The following KCNN2 variants were observed in gnomAD, a reference collection of about 807,000 sequenced individuals.
KCNN2 encodes potassium calcium-activated channel subfamily N member 2.
KCNN2 carries 24 observed loss-of-function variants against 55.5 expected under a neutral mutation model. The observed-to-expected ratio is 0.43, with a 90% confidence interval of 0.31 to 0.61. The LOEUF (loss-of-function observed/expected upper bound fraction) is 0.61. Ranked by LOEUF, KCNN2 falls within the 20% of genes least tolerant of loss-of-function variation. KCNN2 has a pLI of 0.08. For synonymous variants in KCNN2, 431 were observed against 336.1 expected (o/e 1.28, Z -3.09); for missense variants, 754 against 853.6 (o/e 0.88, Z 1.45).
At chr5:114,252,511 A>G (rs1303339513) in intron 2 of KCNN2, among the ~76,000 whole-genome samples, 3 of 152,150 alleles carry the variant, frequency 2.0e-5, no homozygotes, top group Non-Finnish European at 4.4e-5. Flanking sequence ...CTCAACAGTA[A>G]ATGTTATTAT....
intron 3 of KCNN2, among the ~76,000 whole-genome samples, chr5:114,436,603 T>A (rs1325023982): frequency 6.6e-6 from 1 of 152,216 alleles, no homozygotes; most frequent in Non-Finnish European, 1.5e-5. Context: ...GGTTTTTTCC[T>A]CACGATACTT....
At chr5:114,379,131 C>G (rs1758026026) in intron 2 of KCNN2, among the ~76,000 whole-genome samples, 1 of 151,984 alleles carries the variant, frequency 6.6e-6, no homozygotes, top group Admixed American at 6.6e-5. Flanking sequence ...TAGTGCTTGT[C>G]ATTCCTCTTA....
chr5:114,454,053 T>TA (rs1195489879), intron 3 of KCNN2, among the ~76,000 whole-genome samples: 2 of 152,180 alleles, frequency 1.3e-5, no homozygotes, highest in Non-Finnish European at 2.9e-5. Flanking sequence ...AACTCCCACT[T>TA]ACGAGTGAGA....
At chr5:114,408,430 C>T (rs558514915) in intron 3 of KCNN2, among the ~76,000 whole-genome samples, 3 of 152,032 alleles carry the variant, frequency 2.0e-5, no homozygotes, top group Non-Finnish European at 2.9e-5. Flanking sequence ...AACTTCTCTG[C>T]GTAAATATGC....
At chr5:114,070,501 G>C (rs534525160) in intron 1 of KCNN2, among the ~76,000 whole-genome samples, 3 of 152,308 alleles carry the variant, frequency 2.0e-5, no homozygotes, top group South Asian at 4.1e-4. Context: ...TTCCCGGGCT[G>C]TCTCTTCCAG....
At chr5:114,328,260 T>C (rs1482628547) in intron 2 of KCNN2, among the ~76,000 whole-genome samples, 1 of 152,142 alleles carries the variant, frequency 6.6e-6, no homozygotes, top group African/African-American at 2.4e-5. Context: ...TTCTTAGGAC[T>C]CTACCCTAGG....
At chr5:114,197,442 A>G (rs1461615925) in intron 1 of KCNN2, among the ~76,000 whole-genome samples, 1 of 152,090 alleles carries the variant, frequency 6.6e-6, no homozygotes, top group South Asian at 2.1e-4. Flanking sequence ...TCCAATGATC[A>G]TTGTTGAATT....
chr5:114,352,080 A>G (rs557014341), intron 2 of KCNN2, among the ~76,000 whole-genome samples: 121 of 151,930 alleles, frequency 8.0e-4, no homozygotes, highest in South Asian at 3.3e-3. Context: ...ATAGAAAGTT[A>G]AAAAATTTCT....
intron 2 of KCNN2, among the ~76,000 whole-genome samples, chr5:114,339,980 A>G (rs1252866796): frequency 1.3e-5 from 2 of 152,188 alleles, no homozygotes; most frequent in Non-Finnish European, 2.9e-5. Flanking sequence ...ATCCTGCCAC[A>G]TATAGCAGAA....
intron 1 of KCNN2, among the ~76,000 whole-genome samples, chr5:114,067,729 C>A (rs1750480355): frequency 6.6e-6 from 1 of 152,206 alleles, no homozygotes; most frequent in Non-Finnish European, 1.5e-5. Flanking sequence ...TCATACCCCA[C>A]TCCTCCCACA....
At chr5:114,139,271 T>G (rs933589629) in intron 1 of KCNN2, among the ~76,000 whole-genome samples, 2 of 152,114 alleles carry the variant, frequency 1.3e-5, no homozygotes, top group African/African-American at 4.8e-5. Flanking sequence ...TGGTGTTGTT[T>G]TCTCATAAGA....
intron 2 of KCNN2, among the ~76,000 whole-genome samples, chr5:114,389,259 A>G (rs1383000428): frequency 1.3e-5 from 2 of 152,164 alleles, no homozygotes; most frequent in Non-Finnish European, 1.5e-5. Context: ...TAGATAACCA[A>G]ACTGGTCAAG....
chr5:114,118,533 C>T (rs1751764029), intron 1 of KCNN2, among the ~76,000 whole-genome samples: 1 of 151,890 alleles, frequency 6.6e-6, no homozygotes, highest in African/African-American at 2.4e-5. Context: ...ACCAGTGAGG[C>T]AGAAAAAATA....
intron 3 of KCNN2, among the ~76,000 whole-genome samples, chr5:114,434,557 G>C (rs1759935534): frequency 6.6e-6 from 1 of 152,128 alleles, no homozygotes; most frequent in Admixed American, 6.5e-5. Flanking sequence ...TAAGATACTG[G>C]GTAAAAGGAG....
At chr5:114,175,960 T>G (rs960819756) in intron 1 of KCNN2, among the ~76,000 whole-genome samples, 1 of 152,252 alleles carries the variant, frequency 6.6e-6, no homozygotes, top group Non-Finnish European at 1.5e-5. Flanking sequence ...TTTCTTAGGT[T>G]AATATAGTAT....
intron 3 of KCNN2, among the ~76,000 whole-genome samples, chr5:114,448,220 T>G (rs1258029871): frequency 6.6e-6 from 1 of 152,186 alleles, no homozygotes; most frequent in African/African-American, 2.4e-5. Context: ...TTTTCTTCCC[T>G]TCATTTCTTA....
intron 1 of KCNN2, among the ~76,000 whole-genome samples, chr5:114,220,606 T>A (rs1754116893): frequency 6.6e-6 from 1 of 152,114 alleles, no homozygotes; most frequent in African/African-American, 2.4e-5. Context: ...AATACGAGGA[T>A]TAGCAGAAAA....
At chr5:114,163,126 A>G (rs1752826864) in intron 1 of KCNN2, among the ~76,000 whole-genome samples, 1 of 151,960 alleles carries the variant, frequency 6.6e-6, no homozygotes, top group East Asian at 1.9e-4. Flanking sequence ...AGCTGTTCCT[A>G]TTTGGCCATC....
At chr5:114,361,731 G>A (rs573287980), upstream of KCNN2, among the ~76,000 whole-genome samples, 1 of 152,278 alleles carries the variant, frequency 6.6e-6, no homozygotes, top group East Asian at 1.9e-4. Flanking sequence ...AGGGGGCAGC[G>A]GCACGGGAGG....
Sources: gnomAD v4.1 joint callset for allele counts (sites outside exome capture counted in the v4.1 genomes callset) on GRCh38, gnomAD v4.1.1 for gene constraint, MANE v1.5 for transcripts, NCBI Gene and HGNC (gene_info 2026-07-23, HGNC 2026-07-21) for gene names.